Variants in YTHDC2 observed in about 807,000 individuals in gnomAD.
YTHDC2 encodes YTH N6-methyladenosine RNA binding protein C2, also known as 3'-5' RNA helicase YTHDC2.
In YTHDC2, 45 loss-of-function variants were observed where a neutral mutation model predicts 174.9. The ratio of observed to expected loss-of-function variants is 0.26; its 90% CI spans 0.20 to 0.33. YTHDC2 has a LOEUF of 0.33. Among genes scored for constraint, YTHDC2 ranks in the 10% least tolerant of loss-of-function variants. YTHDC2 has a pLI of 1.00. For missense variants in YTHDC2, 1,650 were observed against 1,723.7 expected, an observed-to-expected ratio of 0.96 and a Z score of 0.76; for synonymous variants, 657 against 574.5, an observed-to-expected ratio of 1.14 and a Z score of -2.05.
At chr5:113,546,832 A>G (rs966917406) in intron 10 of YTHDC2, among the ~76,000 whole-genome samples, 7 of 152,160 alleles carry the variant, frequency 4.6e-5, no homozygotes, top group Non-Finnish European at 8.8e-5. Context: ...CCTCACTTAC[A>G]TAGCTTTTGG....
chr5:113,591,946 C>T (rs1779025034), intron 27 of YTHDC2, 50 bp from the exon 28 acceptor site: 2 of 1,298,712 alleles, frequency 1.5e-6, no homozygotes, highest in Admixed American at 3.0e-5. Flanking sequence ...TAAATTTAGA[C>T]ATGCTAATCT....
chr5:113,575,079 G>A (rs972046888), intron 23 of YTHDC2, among the ~76,000 whole-genome samples: 1 of 152,136 alleles, frequency 6.6e-6, no homozygotes, highest in Admixed American at 6.5e-5. Flanking sequence ...TAGTATGTCC[G>A]AATGTGAGAA....
At chr5:113,518,761 G>GTGAT (rs1375258790) in intron 2 of YTHDC2, among the ~76,000 whole-genome samples, 4 of 151,970 alleles carry the variant, frequency 2.6e-5, no homozygotes, top group Non-Finnish European at 4.4e-5. Context: ...GACTTATTGT[G>GTGAT]TGATAGCTTT....
rs748988114 is a variant in YTHDC2 at position 113,553,874 on chromosome 5, C to G, written c.2052+20C>G. 47 of 1,581,238 alleles carry G rather than the reference C, an allele frequency of 3.0e-5. No individual in the cohort carries two copies. Among genetic ancestry groups the G allele is most frequent in the Non-Finnish European group, 3.9e-5 (46 of 1,171,518 alleles). Reference sequence around the variant, plus strand: ...AAAATAGTAAGCTTCATAAAATCTTCTTTTTAACACTTTCATTAGTTATTT... The same window carrying G: ...AAAATAGTAAGCTTCATAAAATCTTGTTTTTAACACTTTCATTAGTTATTT... On this transcript the variant is annotated intron_variant, in intron 15 of 29. Transcript: ENST00000161863.
Position 113,548,521 on chromosome 5 carries a change from T to G in YTHDC2, c.1496-20T>G, listed in dbSNP as rs766304032. ...AGTACTTTGGAAATTTAAGTTTTAT[T>G]TATCTTTTCCTTTTTTTAGTTGATT... On this transcript the variant is annotated intron_variant, in intron 10 of 29. Transcript: ENST00000161863. 5.7e-6 allele frequency: 9 copies of G among 1,570,958 alleles called. No individual in the cohort carries two copies. Among genetic ancestry groups the G allele is most frequent in the South Asian group, 2.4e-5 (2 of 84,452 alleles).
At chr5:113,540,582 C>T (rs1323677308) in intron 8 of YTHDC2, among the ~76,000 whole-genome samples, 1 of 152,124 alleles carries the variant, frequency 6.6e-6, no homozygotes, top group Non-Finnish European at 1.5e-5. Flanking sequence ...GAAGTGCAAG[C>T]AAGGGAAATA....
In YTHDC2 at chr5:113,553,282, A is replaced by T; in HGVS notation, c.1790A>T (p.His597Leu). 1 of 1,611,432 alleles carries T rather than the reference A, an allele frequency of 6.2e-7. No homozygotes were observed. The highest frequency in any genetic ancestry group is 1.7e-5 in the Admixed American group (1 of 59,574). The change falls in exon 13 of 30, where the codon CAT becomes CTT. Residue 597 changes from histidine to leucine, a missense_variant. By Grantham distance (99) the His-to-Leu change is moderately conservative. This residue lies in a region of YTHDC2 where 411 missense variants were observed against 380.6 expected (regional missense o/e 1.08). Coordinates refer to ENST00000161863, the MANE Select transcript of YTHDC2 (RefSeq NM_022828.5). ...AGAGAGCTCCTGAAAGCTTATCATC[A>T]TAGTTTCGATGATGAAAAAGTAGAC... ...EDRELLKAYH[H>L]SFDDEKVDLD...
chr5:113,561,218 T>A, intron 18 of YTHDC2, 33 bp downstream of exon 18: 3 of 1,573,858 alleles, frequency 1.9e-6, no homozygotes, highest in Non-Finnish European at 1.7e-6. Flanking sequence ...AAGGCATTTT[T>A]TTGGGTGAGG....
intron 8 of YTHDC2, among the ~76,000 whole-genome samples, chr5:113,539,402 G>A (rs1036057769): frequency 6.6e-6 from 1 of 152,198 alleles, no homozygotes; most frequent in Non-Finnish European, 1.5e-5. Context: ...GTGGGTGCCA[G>A]AGTTGAGGAG....
intron 2 of YTHDC2, among the ~76,000 whole-genome samples, chr5:113,516,644 A>G (rs1056015570): frequency 6.6e-5 from 10 of 152,214 alleles, no homozygotes; most frequent in African/African-American, 1.9e-4. Context: ...GAGGTTGCCA[A>G]ATGTCCTCTG....
At chr5:113,564,779 C>G (rs75205042) in intron 20 of YTHDC2, among the ~76,000 whole-genome samples, 5,999 of 152,152 alleles carry the variant, frequency 0.039, 184 homozygotes, top group Middle Eastern at 0.11. Context: ...TGTATTTATT[C>G]TCAAATCTTC....
At chr5:113,549,379 A>T (rs1297599525) in intron 12 of YTHDC2, among the ~76,000 whole-genome samples, 1 of 152,196 alleles carries the variant, frequency 6.6e-6, no homozygotes, top group Non-Finnish European at 1.5e-5. Flanking sequence ...AACTGATAGA[A>T]GATGTTAATT....
chr5:113,544,229 A>G (rs964373366), intron 10 of YTHDC2, among the ~76,000 whole-genome samples: 2 of 152,030 alleles, frequency 1.3e-5, no homozygotes, highest in Non-Finnish European at 2.9e-5. Flanking sequence ...ACTCACTGCA[A>G]CCTCTGCCTC....
At chr5:113,567,378 C>G (rs552639136) in intron 22 of YTHDC2, 81 bp downstream of exon 22, 21 of 944,228 alleles carry the variant, frequency 2.2e-5, no homozygotes, top group Non-Finnish European at 2.9e-5. Context: ...GCTCCAAATA[C>G]CTGCCTGCTT....
chr5:113,548,542 T>C lies in YTHDC2; in HGVS notation c.1497T>C (p.Val499=). The C allele has an allele frequency of 6.3e-7, 1 of 1,579,458 alleles. No individual in the cohort carries two copies. The highest frequency in any genetic ancestry group is 8.5e-7 in the Non-Finnish European group (1 of 1,169,662). Residue 499 remains valine, a splice_region_variant and synonymous_variant, in exon 11 of 30, where the codon GTT becomes GTC. Transcript: ENST00000161863. ...TTATTTATCTTTTCCTTTTTTTAGT[T>C]GATTACAGACATAGTGAAACCAGTG... ...FHLILTENVS[V]DYRHSETSAT... is the part of the protein sequence containing the mutation.
At chr5:113,546,323 A>G (rs528684071) in intron 10 of YTHDC2, among the ~76,000 whole-genome samples, 2 of 150,434 alleles carry the variant, frequency 1.3e-5, no homozygotes, top group African/African-American at 2.5e-5. Context: ...GTGTAGACTC[A>G]GGTCTCTCCT....
intron 7 of YTHDC2, among the ~76,000 whole-genome samples, chr5:113,536,969 A>C (rs1206795454): frequency 6.6e-6 from 1 of 152,226 alleles, no homozygotes; most frequent in Non-Finnish European, 1.5e-5. Context: ...CCTGCATAAT[A>C]AAGTATTTCA....
chr5:113,556,197 T>G (rs1445827903), intron 17 of YTHDC2, 63 bp downstream of exon 17: 27 of 812,626 alleles, frequency 3.3e-5, no homozygotes, highest in Non-Finnish European at 5.2e-5. Flanking sequence ...TTTATATGCA[T>G]TACACATTTA....
Position 113,513,936 on chromosome 5 carries a change from C to T in YTHDC2, c.41C>T (p.Pro14Leu), listed in dbSNP as rs1561610699. The T allele has an allele frequency of 1.2e-6, 2 of 1,605,780 alleles. No homozygotes were observed. The highest frequency in any genetic ancestry group is 2.2e-5 in the East Asian group (1 of 44,596). ...PSSVSPRQPAPGGGGGGGPSP... is the reference protein window; with the variant it reads ...PSSVSPRQPALGGGGGGGPSP... Reference sequence around the variant, plus strand: ...AGCGTCTCCCCGCGGCAGCCGGCTCCTGGCGGTGGCGGAGGCGGCGGCCCC... The same window carrying T: ...AGCGTCTCCCCGCGGCAGCCGGCTCTTGGCGGTGGCGGAGGCGGCGGCCCC... The change falls in exon 1 of 30, where the codon CCT becomes CTT. Residue 14 changes from proline (P) to leucine (L), a missense_variant. By Grantham distance (98) the Pro-to-Leu change is moderately conservative (BLOSUM62 -3). Transcript: ENST00000161863.
Sources: gnomAD v4.1 joint callset for allele counts (sites outside exome capture counted in the v4.1 genomes callset) on GRCh38, gnomAD v4.1.1 for gene constraint, gnomAD v4.1.1 regional missense constraint, MANE v1.5 for transcripts, NCBI Gene and HGNC (gene_info 2026-07-23, HGNC 2026-07-21) for gene names.